The following OLFM3 variants were observed in gnomAD, a reference collection of about 807,000 sequenced individuals.
OLFM3 encodes the protein olfactomedin 3.
Under a neutral mutation model 48.6 loss-of-function variants are expected in OLFM3, and 20 were observed. The observed-to-expected ratio is 0.41, with a 90% CI of 0.29 to 0.60. The LOEUF (loss-of-function observed/expected upper bound fraction) is 0.60, where lower values mean the gene tolerates loss of function less well. Among genes scored for constraint, OLFM3 ranks in the 20% least tolerant of loss-of-function variants. The pLI is 0.28. For synonymous variants in OLFM3, 222 were observed against 198.1 expected (o/e 1.12, Z -1.01); for missense variants, 437 against 544.3 (o/e 0.80, Z 1.96).
intron 1 of OLFM3, among the ~76,000 whole-genome samples, chr1:101,856,757 T>TGTACTATTCTG (rs1303584040): frequency 2.0e-5 from 3 of 152,002 alleles, no homozygotes; most frequent in Non-Finnish European, 4.4e-5. Flanking sequence ...GGGCAGGAAC[T>TGTACTATTCTG]GTACTATTCT....
At chr1:101,860,168 C>A (rs1488235548) in intron 1 of OLFM3, among the ~76,000 whole-genome samples, 2 of 151,904 alleles carry the variant, frequency 1.3e-5, no homozygotes, top group African/African-American at 4.8e-5. Flanking sequence ...TGCTTCTTAT[C>A]AAGAAAGGGG....
intron 1 of OLFM3, among the ~76,000 whole-genome samples, chr1:101,946,980 C>T (rs1021864691): frequency 5.3e-5 from 8 of 151,992 alleles, no homozygotes; most frequent in East Asian, 1.9e-4. Flanking sequence ...TAAGTGCTTT[C>T]GTTAATGTGA....
intron 1 of OLFM3, among the ~76,000 whole-genome samples, chr1:101,995,221 T>C (rs1661525444): frequency 6.6e-6 from 1 of 152,122 alleles, no homozygotes; most frequent in Non-Finnish European, 1.5e-5. Context: ...ACTTTGCTTT[T>C]AGAAAATGTT....
chr1:101,926,671 C>T (rs1659279098), intron 1 of OLFM3, among the ~76,000 whole-genome samples: 2 of 152,168 alleles, frequency 1.3e-5, no homozygotes, highest in Admixed American at 1.3e-4. Flanking sequence ...GGTCACCTCC[C>T]TGAGTTTCTT....
At chr1:101,961,005 A>T (rs535911514) in intron 1 of OLFM3, among the ~76,000 whole-genome samples, 1 of 152,278 alleles carries the variant, frequency 6.6e-6, no homozygotes, top group Non-Finnish European at 1.5e-5. Context: ...CAGAAAGAAA[A>T]TTCTGATTTA....
intron 1 of OLFM3, among the ~76,000 whole-genome samples, chr1:101,928,747 C>T (rs755252319): frequency 6.6e-6 from 1 of 152,116 alleles, no homozygotes; most frequent in East Asian, 1.9e-4. Flanking sequence ...ACTACATACA[C>T]TTTCTAATGT....
intron 2 of OLFM3, 81 bp from the exon 3 acceptor site, chr1:101,830,908 T>C: frequency 7.5e-7 from 1 of 1,331,376 alleles, no homozygotes; most frequent in Non-Finnish European, 1.0e-6. Flanking sequence ...AAAATGCCGT[T>C]AACATAAAAA....
chr1:101,856,130 A>T (rs1656400540), intron 1 of OLFM3, among the ~76,000 whole-genome samples: 1 of 151,942 alleles, frequency 6.6e-6, no homozygotes, highest in Non-Finnish European at 1.5e-5. Flanking sequence ...ACTGTTTGTC[A>T]TCATTGTCCT....
At chr1:101,978,001 A>G (rs1661001981) in intron 1 of OLFM3, among the ~76,000 whole-genome samples, 1 of 152,164 alleles carries the variant, frequency 6.6e-6, no homozygotes, top group African/African-American at 2.4e-5. Context: ...GTTATAGATT[A>G]GTACATTAGT....
intron 1 of OLFM3, among the ~76,000 whole-genome samples, chr1:101,838,385 T>A (rs1354268880): frequency 2.6e-5 from 4 of 152,090 alleles, no homozygotes; most frequent in Non-Finnish European, 4.4e-5. Context: ...AAATATTTCC[T>A]ATTTGACCTA....
At chr1:101,832,937 A>G (rs183037010) in intron 2 of OLFM3, among the ~76,000 whole-genome samples, 2 of 152,242 alleles carry the variant, frequency 1.3e-5, no homozygotes, top group African/African-American at 4.8e-5. Context: ...TGCTTTCAAC[A>G]TAACTTTCTA....
At chr1:101,941,793 G>A (rs1170495698) in intron 1 of OLFM3, among the ~76,000 whole-genome samples, 1 of 152,140 alleles carries the variant, frequency 6.6e-6, no homozygotes, top group Non-Finnish European at 1.5e-5. Context: ...AAACAAGTGG[G>A]GCATTGATAT....
chr1:101,950,207 T>C (rs1660094648), intron 1 of OLFM3, among the ~76,000 whole-genome samples: 1 of 152,100 alleles, frequency 6.6e-6, no homozygotes. Flanking sequence ...TTGGTGTTCC[T>C]TGAACTCACC....
chr1:101,991,016 A>AAAAATATATAC (rs1553186119), intron 1 of OLFM3, among the ~76,000 whole-genome samples: 1 of 32,200 alleles, frequency 3.1e-5, no homozygotes, highest in Non-Finnish European at 5.2e-5. Context: ...AAAAAAAAAA[A>AAAAATATATAC]ATATATATAT....
At chr1:101,841,781 G>C (rs1361414637) in intron 1 of OLFM3, among the ~76,000 whole-genome samples, 4 of 152,116 alleles carry the variant, frequency 2.6e-5, no homozygotes, top group Non-Finnish European at 5.9e-5. Context: ...TGATTTTCTG[G>C]GTATTTCATA....
chr1:101,937,275 C>G (rs1570647026), intron 1 of OLFM3, among the ~76,000 whole-genome samples: 1 of 152,186 alleles, frequency 6.6e-6, no homozygotes, highest in Admixed American at 6.5e-5. Flanking sequence ...GCTCCTGTAT[C>G]CGTCTATTCC....
intron 1 of OLFM3, among the ~76,000 whole-genome samples, chr1:101,930,799 T>A (rs1483246813): frequency 6.6e-6 from 1 of 152,208 alleles, no homozygotes; most frequent in Non-Finnish European, 1.5e-5. Context: ...TGAATAATTT[T>A]ACCCAGGGTG....
intron 1 of OLFM3, among the ~76,000 whole-genome samples, chr1:101,862,212 G>A (rs183115104): frequency 6.6e-6 from 1 of 152,314 alleles, no homozygotes. Flanking sequence ...GTTTCTTGGT[G>A]TCAGTGACTC....
intron 1 of OLFM3, among the ~76,000 whole-genome samples, chr1:101,984,651 AG>A (rs1237238915): frequency 6.6e-6 from 1 of 152,126 alleles, no homozygotes; most frequent in Admixed American, 6.5e-5. Flanking sequence ...CCACCCACCT[AG>A]GCCTCCCAAA....
Sources: allele counts gnomAD v4.1 joint callset (sites outside exome capture counted in the v4.1 genomes callset), GRCh38; gene constraint gnomAD v4.1.1; transcripts MANE v1.5; gene names NCBI Gene and HGNC (gene_info 2026-07-23, HGNC 2026-07-21).